The following OTUD7B variants were observed in gnomAD, a reference collection of about 807,000 sequenced individuals.
OTUD7B encodes OTU domain-containing protein 7B.
A neutral mutation model predicts 82.2 loss-of-function variants in OTUD7B; 34 were observed. The observed-to-expected ratio is 0.41, with a 90% confidence interval of 0.31 to 0.55. The LOEUF is 0.55. Ranked by LOEUF, OTUD7B falls within the 20% of genes least tolerant of loss-of-function variation. OTUD7B has a pLI of 0.20. For synonymous variants in OTUD7B, 398 were observed against 402.7 expected (o/e 0.99, Z 0.14); for missense variants, 944 against 1,062.1 (o/e 0.89, Z 1.55).
intron 4 of OTUD7B, 132 bp downstream of exon 4, chr1:149,967,162 C>T: frequency 1.7e-6 from 1 of 580,550 alleles, no homozygotes; most frequent in South Asian, 2.4e-5. Context: ...CAAGTTTATC[C>T]CACTGACTCC....
the OTUD7B span, among the ~76,000 whole-genome samples, chr1:150,035,870 A>G: frequency 1.4e-4 from 21 of 152,224 alleles, 1 homozygote; most frequent in African/African-American, 4.3e-4. Context: ...TGCCTCTCCC[A>G]TAAAATATCT....
intron 10 of OTUD7B, 100 bp downstream of exon 10, chr1:149,948,869 G>T: frequency 1.3e-6 from 1 of 758,112 alleles, no homozygotes; most frequent in South Asian, 1.6e-5. Context: ...CTTAGCTTGT[G>T]ACTGTCTTGC....
At position 149,992,498 on chromosome 1, in the gene OTUD7B, C is replaced by T. The variant is rs1651659853; in HGVS notation, c.-66-14922G>A. 5.6e-4 allele frequency among the ~76,000 whole-genome samples: 11 copies of T among 19,600 alleles called. 3 individuals carry two copies. In the South Asian group the frequency reaches 6.8e-3, roughly 12 times the overall value. The allele number at this position is 19,600 out of a possible 152,430, so 12.9% of individuals were successfully genotyped here. On this transcript the variant is annotated intron_variant, in intron 1 of 11. Transcript: ENST00000581312. The stretch of plus-strand genomic sequence containing the variant: ...TTTTTTTTTTTTTTTTTTTTTAGTA[C>T]AGAGTCTCACTCTGTCACCCAGGCT...
the OTUD7B span, among the ~76,000 whole-genome samples, chr1:150,036,421 A>G: frequency 1.3e-5 from 2 of 151,502 alleles, no homozygotes; most frequent in Admixed American, 1.3e-4. Flanking sequence ...CACCACACTC[A>G]ACTAATTTTT....
rs2092746470 is a variant in OTUD7B at position 149,939,099 on chromosome 1, G to A, written c.*4758C>T. Reference sequence around the variant, plus strand: ...GTAGAAGCACTAGATGAAGGGAAGGGTGGAGAGGCAAGGGGCTATATCAGA... The same window carrying A: ...GTAGAAGCACTAGATGAAGGGAAGGATGGAGAGGCAAGGGGCTATATCAGA... On this transcript the variant is annotated 3_prime_UTR_variant, in exon 12 of 12. Coordinates refer to ENST00000581312, the MANE Select transcript of OTUD7B (RefSeq NM_020205.4). The A allele has an allele frequency of 6.6e-6, 1 of 152,264 alleles. No individual in the cohort carries two copies. Among genetic ancestry groups the A allele is most frequent in the Admixed American group, 6.6e-5 (1 of 15,260 alleles). The allele number at this position is 152,264 out of a possible 1,614,324, so 9.4% of individuals were successfully genotyped here.
In OTUD7B at chr1:149,940,044, A is replaced by T. The variant is rs2092751031; in HGVS notation, c.*3813T>A. ...GAAATACTCTTTATTGAGAAAAAAA[A>T]ATGTGACTGGAACCTTGGACACATG... is the stretch of plus-strand genomic sequence containing the variant. On this transcript the variant is annotated 3_prime_UTR_variant, in exon 12 of 12. Coordinates refer to ENST00000581312, the MANE Select transcript of OTUD7B (RefSeq NM_020205.4). 1 of 152,172 alleles carries T rather than the reference A, an allele frequency of 6.6e-6. No individual in the cohort carries two copies. The highest frequency in any genetic ancestry group is 1.5e-5 in the Non-Finnish European group (1 of 68,036). The allele number at this position is 152,172 out of a possible 1,614,324, so 9.4% of individuals were successfully genotyped here. A position where few individuals can be genotyped will look rare whatever the true frequency, so the allele number is the denominator to read the frequency against.
At chr1:149,964,071 G>T in intron 6 of OTUD7B, 151 bp downstream of exon 6, 3 of 801,322 alleles carry the variant, frequency 3.7e-6, no homozygotes, top group Non-Finnish European at 6.0e-6. Flanking sequence ...TTACCCCATT[G>T]GTGTTAACTG....
At chr1:150,015,495 G>A (rs1653241356), upstream of OTUD7B, among the ~76,000 whole-genome samples, 1 of 151,542 alleles carries the variant, frequency 6.6e-6, no homozygotes, top group Non-Finnish European at 1.5e-5. Flanking sequence ...TGGCCAGGAT[G>A]GTCTTGAACT....
intron 1 of OTUD7B, among the ~76,000 whole-genome samples, chr1:149,994,707 C>T (rs1651817236): frequency 6.6e-6 from 1 of 151,912 alleles, no homozygotes; most frequent in Non-Finnish European, 1.5e-5. Flanking sequence ...AACTCCTGGG[C>T]TCAGGCAGTC....
chr1:149,970,337 T>G (rs1160885793), intron 3 of OTUD7B, among the ~76,000 whole-genome samples: 470 of 7,204 alleles, frequency 0.065, 2 homozygotes, highest in South Asian at 0.14. Flanking sequence ...TTTTTTTTTG[T>G]AGACAGAGTC....
intron 8 of OTUD7B, 114 bp from the exon 9 acceptor site, chr1:149,949,892 A>C: frequency 6.8e-6 from 9 of 1,325,908 alleles, no homozygotes; most frequent in Non-Finnish European, 9.3e-6. Context: ...CATGTTTAAT[A>C]ATTCTTTCCT....
In OTUD7B at chr1:149,944,951, C is replaced by T. The variant is rs781977152; in HGVS notation, c.1438G>A (p.Glu480Lys). ...GACTTCTCCTTCCGCCGGCCGCCCT[C>T]GTTGCTGGTGGAACTGCTGCCAACT... ...ESVGSSSTSN[E>K]GGRRKEKSKR... The change falls in exon 12 of 12, where the codon GAG becomes AAG. Residue 480 changes from glutamate (E) to lysine (K), a missense_variant. Physicochemically the swap from Glu to Lys is moderately conservative, Grantham distance 56 (BLOSUM62 1). Around this residue, in one of 3 missense-constraint regions of OTUD7B, gnomAD observed 530 missense variants for 625.6 expected, o/e 0.85. Transcript: ENST00000581312. The T allele has an allele frequency of 1.2e-5, 19 of 1,614,076 alleles. No individual in the cohort carries two copies. Among genetic ancestry groups the T allele is most frequent in the South Asian group, 8.8e-5 (8 of 91,092 alleles).
chr1:150,035,014 T>G, the OTUD7B span, among the ~76,000 whole-genome samples: 3 of 151,890 alleles, frequency 2.0e-5, no homozygotes, highest in African/African-American at 7.2e-5. Context: ...CATGGTGGTG[T>G]GCACCTGTAA....
At chr1:149,971,622 G>A (rs1038932287) in intron 2 of OTUD7B, among the ~76,000 whole-genome samples, 4 of 152,072 alleles carry the variant, frequency 2.6e-5, no homozygotes, top group African/African-American at 9.7e-5. Context: ...CTCAGGCCCA[G>A]GTCTCCTAAT....
intron 10 of OTUD7B, among the ~76,000 whole-genome samples, chr1:149,947,901 G>A (rs587734418): frequency 6.6e-6 from 1 of 152,282 alleles, no homozygotes; most frequent in South Asian, 2.1e-4. Flanking sequence ...AGTGGGGGCT[G>A]AGAGGGTAGG....
chr1:150,016,610 G>A, the OTUD7B span, among the ~76,000 whole-genome samples: 2 of 151,696 alleles, frequency 1.3e-5, no homozygotes, highest in African/African-American at 2.4e-5. Flanking sequence ...CCACCACCAC[G>A]CCTGGCTAAT....
chr1:149,980,639 AAGGTGGAGGTTGCAGTGAGCTG>A (rs1650652404), intron 1 of OTUD7B, among the ~76,000 whole-genome samples: 1 of 151,674 alleles, frequency 6.6e-6, no homozygotes, highest in Non-Finnish European at 1.5e-5. Flanking sequence ...TTGAACCAGG[AAGGTGGAGGTTGCAGTGAGCTG>A]AGATGGCACC....
chr1:149,947,338 A>G lies in OTUD7B; in HGVS notation c.1239-3T>C, dbSNP rs370275877. 4.4e-5 allele frequency: 70 copies of G among 1,579,614 alleles called. No homozygotes were observed. Among genetic ancestry groups the G allele is most frequent in the Non-Finnish European group, 6.1e-5 (70 of 1,149,606 alleles). ...TGACCTCTAGGGACAGAATTACACTATGAAAAAGAGAAAAAACAAATTACT... is the reference window on the plus strand; with the variant it reads ...TGACCTCTAGGGACAGAATTACACTGTGAAAAAGAGAAAAAACAAATTACT... On this transcript the variant is annotated splice_region_variant and splice_polypyrimidine_tract_variant and intron_variant, in intron 10 of 11. Coordinates refer to ENST00000581312, the MANE Select transcript of OTUD7B (RefSeq NM_020205.4).
intron 6 of OTUD7B, among the ~76,000 whole-genome samples, chr1:149,960,224 A>G (rs73008191): frequency 0.019 from 2,902 of 151,830 alleles, 80 homozygotes; most frequent in African/African-American, 0.064. Context: ...ATTCCTCTAA[A>G]TTCTGTCTGC....
Sources: gnomAD v4.1 joint callset for allele counts (sites outside exome capture counted in the v4.1 genomes callset) on GRCh38, gnomAD v4.1.1 for gene constraint, gnomAD v4.1.1 regional missense constraint, MANE v1.5 for transcripts, NCBI Gene and HGNC (gene_info 2026-07-23, HGNC 2026-07-21) for gene names.